ULK4: variants seen among roughly 807,000 people sequenced by gnomAD.
The protein encoded by ULK4 is unc-51 like kinase 4.
In ULK4, 133 loss-of-function variants were observed where a neutral mutation model predicts 160.6. That is an observed-to-expected ratio of 0.83 (90% CI 0.72 to 0.96). ULK4 has a LOEUF of 0.96. ULK4 is among the 40% of genes least tolerant of loss of function. ULK4 has a pLI of 0.00. For synonymous variants in ULK4, 534 were observed against 539.8 expected, an observed-to-expected ratio of 0.99 and a Z score of 0.15; for missense variants, 1,580 against 1,499.5, an observed-to-expected ratio of 1.05 and a Z score of -0.89.
chr3:41,936,392 G>C (rs1282717990), intron 3 of ULK4, among the ~76,000 whole-genome samples: 1 of 152,154 alleles, frequency 6.6e-6, no homozygotes, highest in Non-Finnish European at 1.5e-5. Context: ...CGCCATTGAT[G>C]AAATAAAAGG....
chr3:41,775,355 A>G (rs958775330), intron 21 of ULK4, among the ~76,000 whole-genome samples: 2 of 150,300 alleles, frequency 1.3e-5, no homozygotes, highest in Admixed American at 1.3e-4. Flanking sequence ...CCATATCCAC[A>G]TGCTAATGAA....
chr3:41,790,676 T>C (rs1279913875), intron 20 of ULK4, among the ~76,000 whole-genome samples: 1 of 152,166 alleles, frequency 6.6e-6, no homozygotes, highest in Non-Finnish European at 1.5e-5. Context: ...AGCTGTCTGA[T>C]GCAATTAGAA....
At chr3:41,486,547 G>T (rs965436711) in intron 32 of ULK4, among the ~76,000 whole-genome samples, 1 of 152,198 alleles carries the variant, frequency 6.6e-6, no homozygotes. Flanking sequence ...GCACTGACTG[G>T]ATGTTGTTGG....
chr3:41,774,053 C>A (rs1408614753), intron 21 of ULK4, among the ~76,000 whole-genome samples: 1 of 152,126 alleles, frequency 6.6e-6, no homozygotes, highest in Admixed American at 6.6e-5. Flanking sequence ...CTTCCTTACA[C>A]CTTATACAAA....
intron 34 of ULK4, among the ~76,000 whole-genome samples, chr3:41,408,427 CAAAAAAAA>C (rs59444673): frequency 6.8e-5 from 3 of 44,102 alleles, no homozygotes; most frequent in Non-Finnish European, 1.4e-4. Context: ...GACTCCATCT[CAAAAAAAA>C]AAAAAAAAAA....
chr3:41,282,869 C>T (rs1045939998), intron 35 of ULK4, among the ~76,000 whole-genome samples: 1 of 152,174 alleles, frequency 6.6e-6, no homozygotes, highest in Non-Finnish European at 1.5e-5. Flanking sequence ...AGGCAACCTA[C>T]AGAATGCAAG....
intron 34 of ULK4, among the ~76,000 whole-genome samples, chr3:41,416,211 T>G (rs2082522562): frequency 6.6e-6 from 1 of 151,852 alleles, no homozygotes; most frequent in African/African-American, 2.4e-5. Context: ...CTGGGACAAA[T>G]TTGTCCCCAC....
intron 35 of ULK4, among the ~76,000 whole-genome samples, chr3:41,274,593 T>C (rs1575382747): frequency 6.6e-6 from 1 of 152,234 alleles, no homozygotes; most frequent in Admixed American, 6.5e-5. Flanking sequence ...GAACCTTAAA[T>C]TAAATTGTTA....
intron 34 of ULK4, among the ~76,000 whole-genome samples, chr3:41,407,025 C>G (rs1050795951): frequency 1.3e-5 from 2 of 151,986 alleles, no homozygotes; most frequent in African/African-American, 4.8e-5. Flanking sequence ...GGAGACAGAG[C>G]AAAAAGTCCT....
At position 41,613,086 on chromosome 3, in the gene ULK4, T is replaced by C. The variant is rs557219375; in HGVS notation, c.3120+2583A>G. 2.6e-5 allele frequency among the ~76,000 whole-genome samples: 4 copies of C among 152,234 alleles called. No homozygotes were observed. In the East Asian group the frequency reaches 7.7e-4, roughly 29 times the overall value. On this transcript the variant is annotated intron_variant, in intron 31 of 36. Transcript: ENST00000301831. The stretch of plus-strand genomic sequence containing the variant: ...GAGCATGCAGGGCCCCACACAATCT[T>C]CTCATTATGCCTTGTTCTGATCAAA...
intron 22 of ULK4, among the ~76,000 whole-genome samples, chr3:41,750,807 T>G (rs756875736): frequency 4.6e-5 from 7 of 151,686 alleles, no homozygotes; most frequent in Admixed American, 2.0e-4. Context: ...CTGACCAACA[T>G]AGTGAAACCC....
intron 17 of ULK4, among the ~76,000 whole-genome samples, chr3:41,864,155 C>G (rs957696860): frequency 2.1e-5 from 3 of 144,242 alleles, no homozygotes; most frequent in Non-Finnish European, 3.0e-5. Context: ...TTGGCTAGGG[C>G]TGGATTACAT....
chr3:41,481,769 G>T (rs1333847631), intron 32 of ULK4, among the ~76,000 whole-genome samples: 1 of 144,066 alleles, frequency 6.9e-6, no homozygotes. Flanking sequence ...GGAGCTTGCA[G>T]TGAGCCGAGA....
chr3:41,866,424 A>T (rs1442682483), intron 17 of ULK4, among the ~76,000 whole-genome samples: 2 of 152,200 alleles, frequency 1.3e-5, no homozygotes, highest in Non-Finnish European at 1.5e-5. Context: ...TTTGGGATGA[A>T]ACTGTACTGC....
chr3:41,645,141 C>A (rs1369942888), intron 30 of ULK4, among the ~76,000 whole-genome samples: 5 of 151,958 alleles, frequency 3.3e-5, no homozygotes, highest in Non-Finnish European at 5.9e-5. Context: ...TTTCAAAAAA[C>A]CAGCTCCTGG....
intron 22 of ULK4, among the ~76,000 whole-genome samples, chr3:41,721,800 C>T (rs1171723728): frequency 6.6e-6 from 1 of 152,102 alleles, no homozygotes; most frequent in Non-Finnish European, 1.5e-5. Flanking sequence ...ACAGACAGCC[C>T]GATTTGTAAG....
intron 18 of ULK4, among the ~76,000 whole-genome samples, chr3:41,833,291 T>G (rs1399290719): frequency 1.4e-5 from 2 of 145,744 alleles, no homozygotes; most frequent in African/African-American, 5.1e-5. Flanking sequence ...TTTTTGTTTT[T>G]TTTTTTTTTG....
At chr3:41,435,680 C>T (rs2083017514) in intron 34 of ULK4, among the ~76,000 whole-genome samples, 4 of 152,162 alleles carry the variant, frequency 2.6e-5, no homozygotes, top group South Asian at 4.1e-4. Context: ...GGTGCAGTGG[C>T]TCATGCCTGT....
At chr3:41,681,442 T>A in intron 29 of ULK4, 66 bp downstream of exon 29, 1 of 1,596,348 alleles carries the variant, frequency 6.3e-7, no homozygotes, top group Non-Finnish European at 8.5e-7. Flanking sequence ...TCACTGAACC[T>A]AGTTTGACAG....
Sources: allele counts gnomAD v4.1 joint callset (sites outside exome capture counted in the v4.1 genomes callset), GRCh38; gene constraint gnomAD v4.1.1; transcripts MANE v1.5; gene names NCBI Gene and HGNC (gene_info 2026-07-23, HGNC 2026-07-21).